The following SPATS2 variants were observed in gnomAD, a reference collection of about 807,000 sequenced individuals.
SPATS2 encodes spermatogenesis-associated serine-rich protein 2.
In SPATS2, 38 loss-of-function variants were observed where a neutral mutation model predicts 63.7. The observed-to-expected ratio is 0.60, with a 90% CI of 0.46 to 0.78. The LOEUF (loss-of-function observed/expected upper bound fraction) is 0.78. SPATS2 is among the 30% of genes least tolerant of loss of function. SPATS2 has a pLI of 0.00. For missense variants in SPATS2, 588 were observed against 666.2 expected, an observed-to-expected ratio of 0.88 and a Z score of 1.29; for synonymous variants, 207 against 232.9, an observed-to-expected ratio of 0.89 and a Z score of 1.01.
At chr12:49,437,241 G>A (rs1490433470) in intron 2 of SPATS2, among the ~76,000 whole-genome samples, 1 of 151,226 alleles carries the variant, frequency 6.6e-6, no homozygotes. Flanking sequence ...GGGCGGCAGG[G>A]CAGAGGCGCT....
At position 49,519,057 on chromosome 12, in the gene SPATS2, C is replaced by T; in HGVS notation, c.899-16C>T. 5.6e-6 allele frequency: 9 copies of T among 1,596,730 alleles called. No homozygotes were observed. Among genetic ancestry groups the T allele is most frequent in the Non-Finnish European group, 7.7e-6 (9 of 1,164,986 alleles). On this transcript the variant is annotated splice_polypyrimidine_tract_variant and intron_variant, in intron 10 of 13. Coordinates refer to ENST00000552918, the MANE Select transcript of SPATS2 (RefSeq NM_023071.4). ...TTAGCAGCAACATAAGGTTCACACT[C>T]ACTTTTCCTCTACAGTGGAAATTTT...
At chr12:49,487,281 A>G (rs1223490123) in intron 4 of SPATS2, among the ~76,000 whole-genome samples, 5 of 152,174 alleles carry the variant, frequency 3.3e-5, no homozygotes, top group African/African-American at 1.2e-4. Context: ...GAGTGAGGTC[A>G]GGAGTTCGAG....
chr12:49,412,058 C>T lies in SPATS2; in HGVS notation c.-244+40768C>T, dbSNP rs567670785. On this transcript the variant is annotated intron_variant, in intron 2 of 13. Coordinates refer to ENST00000552918, the MANE Select transcript of SPATS2 (RefSeq NM_023071.4). ...CTTACAGGATTTAAAGATGACGAGGCCTTAGAAATAGTGGTTATTATATGT... is the reference window on the plus strand; with the variant it reads ...CTTACAGGATTTAAAGATGACGAGGTCTTAGAAATAGTGGTTATTATATGT... Among the ~76,000 whole-genome samples the T allele has an allele frequency of 4.6e-5, 7 of 152,066 alleles. No homozygotes were observed. In the South Asian group the frequency reaches 1.5e-3, roughly 32 times the overall value.
intron 6 of SPATS2, chr12:49,491,127 G>C (rs1946375218): frequency 6.4e-6 from 1 of 156,978 alleles, no homozygotes; most frequent in Non-Finnish European, 1.4e-5. Flanking sequence ...CTGGGTGACA[G>C]AGTGAGACTC....
chr12:49,431,249 CT>C (rs925791626), intron 2 of SPATS2, among the ~76,000 whole-genome samples: 70 of 147,602 alleles, frequency 4.7e-4, no homozygotes, highest in Admixed American at 1.4e-3. Flanking sequence ...ATATAAAGAA[CT>C]TTTTTTTTTT....
At chr12:49,378,588 C>G (rs1021510662) in intron 2 of SPATS2, among the ~76,000 whole-genome samples, 3 of 149,548 alleles carry the variant, frequency 2.0e-5, no homozygotes, top group Non-Finnish European at 4.5e-5. Flanking sequence ...TGAGCCACCA[C>G]GCCCGGCCAA....
At chr12:49,431,538 G>A (rs959104401) in intron 2 of SPATS2, among the ~76,000 whole-genome samples, 8 of 152,096 alleles carry the variant, frequency 5.3e-5, no homozygotes, top group Non-Finnish European at 7.4e-5. Flanking sequence ...ATGAGCCACC[G>A]CACCGGGCCC....
intron 2 of SPATS2, among the ~76,000 whole-genome samples, chr12:49,427,416 C>T (rs1220834394): frequency 6.6e-6 from 1 of 152,158 alleles, no homozygotes; most frequent in Non-Finnish European, 1.5e-5. Context: ...GAATACATCA[C>T]AGTTTATTCT....
At chr12:49,506,151 G>A (rs913689564) in intron 9 of SPATS2, among the ~76,000 whole-genome samples, 1 of 152,204 alleles carries the variant, frequency 6.6e-6, no homozygotes, top group Admixed American at 6.5e-5. Context: ...GTTTAAGGTA[G>A]GCTAGGCTAA....
At chr12:49,457,183 A>G (rs1054831947) in intron 2 of SPATS2, among the ~76,000 whole-genome samples, 4 of 151,810 alleles carry the variant, frequency 2.6e-5, no homozygotes, top group Non-Finnish European at 5.9e-5. Context: ...GAGGGTTTAT[A>G]TTGTTTTCCA....
chr12:49,437,655 C>G (rs1394365262), intron 2 of SPATS2, among the ~76,000 whole-genome samples: 1 of 151,724 alleles, frequency 6.6e-6, no homozygotes, highest in Non-Finnish European at 1.5e-5. Context: ...AGCGAAACCC[C>G]GTCTCCACCA....
At chr12:49,516,710 TAA>T (rs113290886) in intron 10 of SPATS2, among the ~76,000 whole-genome samples, 25 of 134,460 alleles carry the variant, frequency 1.9e-4, no homozygotes, top group African/African-American at 1.8e-4. Flanking sequence ...ATCTCAAAAC[TAA>T]AAAAAAAAAA....
intron 2 of SPATS2, among the ~76,000 whole-genome samples, chr12:49,430,382 G>A (rs1177374175): frequency 2.0e-5 from 3 of 151,812 alleles, no homozygotes; most frequent in South Asian, 2.1e-4. Context: ...GATTACAGGC[G>A]TGACCCACCA....
rs577382297 is a variant in SPATS2, at chr12:49,474,209, C to T, written c.26-10381C>T. Among the ~76,000 whole-genome samples, 173 of 152,312 alleles carry T rather than the reference C, an allele frequency of 1.1e-3. 2 individuals carry two copies. Among genetic ancestry groups the T allele is most frequent in the Admixed American group, 0.011 (173 of 15,292 alleles). ...GTTACTTACATAGAGTGTCTCTTAT[C>T]TTCACAAGTTTAACACTTAAAGCTG... On this transcript the variant is annotated intron_variant, in intron 3 of 13. Transcript: ENST00000552918.
chr12:49,407,523 C>G (rs947231835), intron 2 of SPATS2, among the ~76,000 whole-genome samples: 12 of 152,162 alleles, frequency 7.9e-5, no homozygotes, highest in African/African-American at 2.9e-4. Context: ...GTTTCTTCTT[C>G]AGAACATTTG....
intron 2 of SPATS2, among the ~76,000 whole-genome samples, chr12:49,430,727 A>T (rs1488719986): frequency 6.6e-6 from 1 of 151,748 alleles, no homozygotes; most frequent in Non-Finnish European, 1.5e-5. Context: ...TTGAAATAGA[A>T]TCTCTCTCTG....
At chr12:49,491,896 T>C (rs529138649) in intron 6 of SPATS2, among the ~76,000 whole-genome samples, 95 of 152,358 alleles carry the variant, frequency 6.2e-4, no homozygotes, top group African/African-American at 2.2e-3. Context: ...GCTTGAAGTA[T>C]GGATTTTAAT....
At chr12:49,525,470 G>A (rs1048241823) in intron 13 of SPATS2, among the ~76,000 whole-genome samples, 1 of 152,144 alleles carries the variant, frequency 6.6e-6, no homozygotes, top group African/African-American at 2.4e-5. Context: ...AAGCTTTCCG[G>A]ATTATAATGC....
intron 2 of SPATS2, among the ~76,000 whole-genome samples, chr12:49,436,599 GC>G (rs1383625305): frequency 1.5e-5 from 2 of 136,390 alleles, no homozygotes; most frequent in African/African-American, 2.7e-5. Context: ...GGCTGGCCGG[GC>G]CGGGGGCTGA....
Sources: gnomAD v4.1 joint callset for allele counts (sites outside exome capture counted in the v4.1 genomes callset) on GRCh38, gnomAD v4.1.1 for gene constraint, MANE v1.5 for transcripts, NCBI Gene and HGNC (gene_info 2026-07-23, HGNC 2026-07-21) for gene names.